The following ABCA13 variants were observed in gnomAD, a reference collection of about 807,000 sequenced individuals.
The protein encoded by ABCA13 is ATP binding cassette subfamily A member 13.
In ABCA13, 476 loss-of-function variants were observed where a neutral mutation model predicts 478.7. The ratio of observed to expected loss-of-function variants is 0.99; its 90% confidence interval spans 0.92 to 1.07. The LOEUF (loss-of-function observed/expected upper bound fraction) is 1.07, where lower values mean the gene tolerates loss of function less well. ABCA13 is among the 50% of genes least tolerant of loss of function. The pLI, the probability that ABCA13 is intolerant of heterozygous loss-of-function variation, is 0.00. For synonymous variants in ABCA13, 2,252 were observed against 2,158.9 expected (o/e 1.04, Z -1.20); for missense variants, 6,060 against 5,910.6 (o/e 1.03, Z -0.83).
chr7:48,350,730 TG>T lies in ABCA13; in HGVS notation c.10294del (p.Ala3432HisfsTer2), dbSNP rs1808842087. 6.2e-7 allele frequency: 1 copy of T among 1,613,990 alleles called. No homozygotes were observed. The highest frequency in any genetic ancestry group is 2.2e-5 in the East Asian group (1 of 44,876). On this transcript the variant is annotated frameshift_variant, in exon 30 of 62. Transcript: ENST00000435803. LOFTEE classifies it high-confidence loss of function. ...ATCTTGGTCAATCTCTCTTCCTGCGTGGCACTGAACCGTTTCCAGGCTCTGC... is the reference window on the plus strand; with the variant it reads ...ATCTTGGTCAATCTCTCTTCCTGCGTGCACTGAACCGTTTCCAGGCTCTGC... ...GSILVNLSSC[V>X]ALNRFQALQS...
At chr7:48,467,097 G>GTA in intron 44 of ABCA13, 52 bp downstream of exon 44, 1 of 1,520,546 alleles carries the variant, frequency 6.6e-7, no homozygotes, top group Non-Finnish European at 9.1e-7. Context: ...TGGTAATATT[G>GTA]TAGCCTGGGA....
Position 48,594,308 on chromosome 7 carries a change from C to T in ABCA13, c.14641-402C>T, listed in dbSNP as rs1219644894. Reference sequence around the variant, plus strand: ...GACTGGATAATTTCAAATAATCTGCCCTCAAGTTCACAGATTTTTTTTATC... The same window carrying T: ...GACTGGATAATTTCAAATAATCTGCTCTCAAGTTCACAGATTTTTTTTATC... On this transcript the variant is annotated intron_variant, in intron 57 of 61. Coordinates refer to ENST00000435803, the MANE Select transcript of ABCA13 (RefSeq NM_152701.5). Among the ~76,000 whole-genome samples, 3 of 152,064 alleles carry T rather than the reference C, an allele frequency of 2.0e-5. No individual in the cohort carries two copies. The East Asian group carries it at 5.8e-4, about 29-fold the overall frequency.
chr7:48,636,969 T>G (rs1314892755), intron 59 of ABCA13, among the ~76,000 whole-genome samples: 1 of 152,134 alleles, frequency 6.6e-6, no homozygotes, highest in Non-Finnish European at 1.5e-5. Flanking sequence ...TTCTTATTAT[T>G]ACATTATTTA....
rs974052962 is a variant in ABCA13 at position 48,349,892 on chromosome 7, G to T, written c.10205-751G>T. Among the ~76,000 whole-genome samples the T allele has an allele frequency of 2.6e-5, 4 of 152,222 alleles. No individual in the cohort carries two copies. In the South Asian group the frequency reaches 6.2e-4, roughly 24 times the overall value. ...CACACAGGGCCAGGGATAGACTGTTGTCTGTCACCATACATCTTTCCTGCT... is the reference window on the plus strand; with the variant it reads ...CACACAGGGCCAGGGATAGACTGTTTTCTGTCACCATACATCTTTCCTGCT... On this transcript the variant is annotated intron_variant, in intron 29 of 61. Transcript: ENST00000435803.
chr7:48,294,257 A>G (rs1799009522), intron 20 of ABCA13, among the ~76,000 whole-genome samples: 1 of 152,062 alleles, frequency 6.6e-6, no homozygotes, highest in Admixed American at 6.6e-5. Flanking sequence ...CTTTCTTAGC[A>G]GATTTCCAGT....
intron 21 of ABCA13, among the ~76,000 whole-genome samples, 160 bp downstream of exon 21, chr7:48,296,023 A>G (rs991860328): frequency 3.9e-5 from 6 of 152,212 alleles, no homozygotes; most frequent in Non-Finnish European, 5.9e-5. Context: ...TTCCATGACA[A>G]TTTTTGAGTG....
chr7:48,456,254 G>A (rs1232637353), intron 43 of ABCA13, among the ~76,000 whole-genome samples: 3 of 152,158 alleles, frequency 2.0e-5, no homozygotes, highest in African/African-American at 7.2e-5. Context: ...AGCTTAACCA[G>A]CTAATCTCTA....
intron 59 of ABCA13, among the ~76,000 whole-genome samples, chr7:48,630,963 G>A (rs1423076138): frequency 1.3e-5 from 2 of 151,812 alleles, no homozygotes; most frequent in African/African-American, 4.8e-5. Flanking sequence ...CTTCTTTTGA[G>A]AAGTGTCTCT....
chr7:48,625,461 A>G (rs771055165), intron 59 of ABCA13, among the ~76,000 whole-genome samples: 3 of 152,230 alleles, frequency 2.0e-5, no homozygotes, highest in Non-Finnish European at 2.9e-5. Flanking sequence ...TTAAAGCATC[A>G]TATAATTCAC....
chr7:48,544,527 A>G (rs1784639690), intron 55 of ABCA13, among the ~76,000 whole-genome samples: 2 of 146,322 alleles, frequency 1.4e-5, no homozygotes, highest in Admixed American at 7.0e-5. Flanking sequence ...AAGCTCTGTA[A>G]AATCCCCCAA....
intron 59 of ABCA13, among the ~76,000 whole-genome samples, chr7:48,616,250 G>A (rs1585994861): frequency 6.6e-6 from 1 of 152,274 alleles, no homozygotes; most frequent in African/African-American, 2.4e-5. Context: ...TGACATAGTA[G>A]GGAGTGAGTG....
At chr7:48,383,261 T>A (rs973094650) in intron 35 of ABCA13, among the ~76,000 whole-genome samples, 2 of 152,234 alleles carry the variant, frequency 1.3e-5, no homozygotes, top group Non-Finnish European at 2.9e-5. Context: ...TGTCTATGTG[T>A]GCACACTTGT....
Position 48,539,685 on chromosome 7 carries a change from T to A in ABCA13, c.14354+11340T>A, listed in dbSNP as rs1196019064. On this transcript the variant is annotated intron_variant, in intron 55 of 61. Transcript: ENST00000435803. ...CTTTTACTTCTTAGAATTTCCCTTT[T>A]TTATTCTCTCGACATTCTCCTCTAG... 2.0e-5 allele frequency among the ~76,000 whole-genome samples: 3 copies of A among 152,214 alleles called. No individual in the cohort carries two copies. In the East Asian group the frequency reaches 5.8e-4, roughly 29 times the overall value.
chr7:48,313,173 C>G lies in ABCA13; in HGVS notation c.9623C>G (p.Pro3208Arg). 1 of 1,612,864 alleles carries G rather than the reference C, an allele frequency of 6.2e-7. No homozygotes were observed. The highest frequency in any genetic ancestry group is 8.5e-7 in the Non-Finnish European group (1 of 1,179,362). The part of the protein sequence containing the change: ...AKAQHVFEYL[P>R]EFLHTFKITA... ...GCCCAGCACGTCTTTGAGTATCTTC[C>G]TGAGTTTCTTCACACATTTAAAATC... The change falls in exon 25 of 62, where the codon CCT (proline) becomes CGT (arginine). Residue 3208 changes from proline to arginine, a missense_variant. Coordinates refer to ENST00000435803, the MANE Select transcript of ABCA13 (RefSeq NM_152701.5).
At chr7:48,594,657 A>G (rs1387781230) in intron 57 of ABCA13, 53 bp from the exon 58 acceptor site, 1 of 1,524,526 alleles carries the variant, frequency 6.6e-7, no homozygotes, top group East Asian at 2.3e-5. Context: ...CATTGTGTAT[A>G]TTTCTATTTG....
rs780469622 is a variant in ABCA13 at position 48,310,099 on chromosome 7, G to A, written c.9474G>A (p.Val3158=). The stretch of plus-strand genomic sequence containing the variant: ...GGTCAAAAGTGTATTCTCTGATTGT[G>A]TTGCTGAGTCGAAACTTGGATGTGC... ...LPGSKVYSLI[V]LLSRNLDVRA... is the part of the protein sequence containing the mutation. The change falls in exon 24 of 62, where the codon GTG becomes GTA. Residue 3158 remains valine, a synonymous_variant. Transcript: ENST00000435803. 7 of 1,613,432 alleles carry A rather than the reference G, an allele frequency of 4.3e-6. No individual in the cohort carries two copies. Among genetic ancestry groups the A allele is most frequent in the Admixed American group, 1.7e-5 (1 of 59,998 alleles).
chr7:48,260,170 G>A (rs116240547), intron 15 of ABCA13, among the ~76,000 whole-genome samples: 77 of 152,184 alleles, frequency 5.1e-4, no homozygotes, highest in African/African-American at 1.7e-3. Flanking sequence ...CAGTCATGTG[G>A]AGGAAAGAAG....
chr7:48,516,199 C>T (rs1448758253), intron 51 of ABCA13, among the ~76,000 whole-genome samples: 1 of 152,114 alleles, frequency 6.6e-6, no homozygotes, highest in African/African-American at 2.4e-5. Flanking sequence ...TCAGAGAATT[C>T]GGTTACCCAC....
chr7:48,511,416 T>C (rs1831672881), intron 51 of ABCA13, among the ~76,000 whole-genome samples: 2 of 152,172 alleles, frequency 1.3e-5, no homozygotes, highest in South Asian at 4.1e-4. Context: ...AAGACAGCAC[T>C]GCCCTGTCTC....
Sources: allele counts gnomAD v4.1 joint callset (sites outside exome capture counted in the v4.1 genomes callset), GRCh38; gene constraint gnomAD v4.1.1; transcripts MANE v1.5; gene names NCBI Gene and HGNC (gene_info 2026-07-23, HGNC 2026-07-21).